TVP23A: variants seen among roughly 807,000 people sequenced by gnomAD.
The protein encoded by TVP23A is trans-golgi network vesicle protein 23 homolog A.
In TVP23A, 21 loss-of-function variants were observed where a neutral mutation model predicts 31.7. The ratio of observed to expected loss-of-function variants is 0.66; its 90% CI spans 0.47 to 0.95. The LOEUF is 0.95. Among genes scored for constraint, TVP23A ranks in the 40% least tolerant of loss-of-function variants. The pLI, the probability that TVP23A is intolerant of heterozygous loss-of-function variation, is 0.00. For missense variants in TVP23A, 279 were observed against 255.6 expected, an observed-to-expected ratio of 1.09 and a Z score of -0.62; for synonymous variants, 104 against 96.0, an observed-to-expected ratio of 1.08 and a Z score of -0.49.
intron 2 of TVP23A, among the ~76,000 whole-genome samples, chr16:10,783,044 A>G (rs1335427755): frequency 6.6e-6 from 1 of 152,168 alleles, no homozygotes; most frequent in African/African-American, 2.4e-5. Context: ...TGACTGGCAC[A>G]ATCCCAAGGG....
chr16:10,782,551 G>A (rs2032489613), intron 2 of TVP23A, among the ~76,000 whole-genome samples: 1 of 152,132 alleles, frequency 6.6e-6, no homozygotes, highest in East Asian at 1.9e-4. Context: ...CTCCCAGGCT[G>A]GAGTGCAGTG....
chr16:10,774,929 G>A (rs1346060571), intron 3 of TVP23A, 23 bp downstream of exon 3: 1 of 1,604,744 alleles, frequency 6.2e-7, no homozygotes, highest in Admixed American at 1.7e-5. Flanking sequence ...CGGAAGTGAT[G>A]ACATCACACG....
intron 2 of TVP23A, among the ~76,000 whole-genome samples, chr16:10,792,987 C>A (rs1431930640): frequency 6.6e-6 from 1 of 152,134 alleles, no homozygotes; most frequent in Non-Finnish European, 1.5e-5. Context: ...TTCTTTATTT[C>A]TTTTTAAAGA....
chr16:10,779,658 AG>A lies in TVP23A; in HGVS notation c.90-4563del, dbSNP rs1448208740. Among the ~76,000 whole-genome samples the A allele has an allele frequency of 6.6e-5, 10 of 152,248 alleles. No individual in the cohort carries two copies. Among genetic ancestry groups the A allele is most frequent in the African/African-American group, 2.4e-4 (10 of 41,470 alleles). On this transcript the variant is annotated intron_variant, in intron 2 of 7. Coordinates refer to ENST00000299866, the MANE Select transcript of TVP23A (RefSeq NM_001079512.4). The surrounding 1 kb of genome is among the most constrained non-coding windows in gnomAD (Gnocchi z 4.9). ...AAACGAGATGCAGATGAACTGGGAGAGGAAGTTTTTATTTCTGTAGCCAGTT... is the reference window on the plus strand; with the variant it reads ...AAACGAGATGCAGATGAACTGGGAGAGAAGTTTTTATTTCTGTAGCCAGTT...
At chr16:10,806,455 T>A (rs1388404910) in intron 2 of TVP23A, among the ~76,000 whole-genome samples, 1 of 152,214 alleles carries the variant, frequency 6.6e-6, no homozygotes, top group Non-Finnish European at 1.5e-5. Context: ...CCTTCCCAGA[T>A]TATGTGGGTC....
rs771116449 is a variant in TVP23A, at chr16:10,768,055, A to C, written c.*1047T>G. 1 of 1,607,310 alleles carries C rather than the reference A, an allele frequency of 6.2e-7. No homozygotes were observed. The highest frequency in any genetic ancestry group is 1.3e-5 in the African/African-American group (1 of 74,794). Reference sequence around the variant, plus strand: ...AGAGTAAGTATTTCCATGAGTACTAAATGCAGATGCCTGTGGGGCAGGAAG... The same window carrying C: ...AGAGTAAGTATTTCCATGAGTACTACATGCAGATGCCTGTGGGGCAGGAAG... On this transcript the variant is annotated 3_prime_UTR_variant, in exon 8 of 8. Coordinates refer to ENST00000299866, the MANE Select transcript of TVP23A (RefSeq NM_001079512.4). This position sits in a 1 kb window ranked among gnomAD's most constrained non-coding sequence, Gnocchi z 4.3.
chr16:10,787,735 T>C lies in TVP23A; in HGVS notation c.90-12639A>G, dbSNP rs530156788. Among the ~76,000 whole-genome samples the C allele has an allele frequency of 2.2e-3, 334 of 152,118 alleles. 2 individuals are homozygous for C. Among genetic ancestry groups the C allele is most frequent in the African/African-American group, 7.5e-3 (313 of 41,474 alleles). On this transcript the variant is annotated intron_variant, in intron 2 of 7. Coordinates refer to ENST00000299866, the MANE Select transcript of TVP23A (RefSeq NM_001079512.4). ...CAGGAGAGAGAGCTGTTCTCCTCTCTCTTTCTTTTGCCTATTAAACCTCCC... is the reference window on the plus strand; with the variant it reads ...CAGGAGAGAGAGCTGTTCTCCTCTCCCTTTCTTTTGCCTATTAAACCTCCC...
intron 2 of TVP23A, among the ~76,000 whole-genome samples, chr16:10,790,940 C>T (rs916193354): frequency 1.7e-4 from 26 of 152,012 alleles, no homozygotes; most frequent in African/African-American, 5.1e-4. Flanking sequence ...GAGGGTAGAA[C>T]GAGGCATGTC....
downstream of TVP23A, among the ~76,000 whole-genome samples, chr16:10,758,640 C>A (rs1900734992): frequency 6.6e-6 from 1 of 152,166 alleles, no homozygotes; most frequent in Non-Finnish European, 1.5e-5. Flanking sequence ...AGTTATAATT[C>A]ATACTGTGCT....
At chr16:10,784,122 C>T (rs1472078540) in intron 2 of TVP23A, among the ~76,000 whole-genome samples, 1 of 151,894 alleles carries the variant, frequency 6.6e-6, no homozygotes, top group African/African-American at 2.4e-5. Context: ...TAGCTTGAGC[C>T]CAGGAGTTCA....
downstream of TVP23A, among the ~76,000 whole-genome samples, chr16:10,760,565 C>T (rs1279045524): frequency 6.6e-6 from 1 of 152,118 alleles, no homozygotes; most frequent in African/African-American, 2.4e-5. Context: ...GGGCAACAAC[C>T]ATCTCTATAA....
intron 5 of TVP23A, among the ~76,000 whole-genome samples, chr16:10,772,092 A>G (rs538607870): frequency 6.6e-6 from 1 of 152,344 alleles, no homozygotes; most frequent in South Asian, 2.1e-4. Flanking sequence ...TGCACCTCTC[A>G]AGCCACGTAG....
intron 2 of TVP23A, among the ~76,000 whole-genome samples, chr16:10,814,981 A>G (rs904623426): frequency 2.0e-5 from 3 of 152,124 alleles, no homozygotes; most frequent in Non-Finnish European, 4.4e-5. Flanking sequence ...TCCCCATGGT[A>G]TATCTACCCT....
chr16:10,808,402 G>A (rs1265958342), intron 2 of TVP23A: 1 of 389,696 alleles, frequency 2.6e-6, no homozygotes, highest in Non-Finnish European at 5.1e-6. Flanking sequence ...TTTGCCTGAA[G>A]ACCTGAGCCC....
At position 10,770,434 on chromosome 16, in the gene TVP23A, C is replaced by T. The variant is rs190996444; in HGVS notation, c.583-103G>A. On this transcript the variant is annotated intron_variant, in intron 6 of 7. Transcript: ENST00000299866. Reference sequence around the variant, plus strand: ...AAACCCACAAAGTACAGAAAACCTGCGGAATTGGTTGCTTGATGTCTTGGC... The same window carrying T: ...AAACCCACAAAGTACAGAAAACCTGTGGAATTGGTTGCTTGATGTCTTGGC... 9.8e-5 allele frequency: 129 copies of T among 1,311,620 alleles called. No individual in the cohort carries two copies. In the East Asian group the frequency reaches 1.2e-3, roughly 12 times the overall value. 81.2% of individuals were successfully genotyped at this position (1,311,620 alleles called of 1,614,324 possible).
Position 10,790,011 on chromosome 16 carries a change from T to C in TVP23A, c.90-14915A>G, listed in dbSNP as rs2033008894. 3.3e-5 allele frequency among the ~76,000 whole-genome samples: 5 copies of C among 152,098 alleles called. No homozygotes were observed. In the South Asian group the frequency reaches 1.0e-3, roughly 32 times the overall value. On this transcript the variant is annotated intron_variant, in intron 2 of 7. Coordinates refer to ENST00000299866, the MANE Select transcript of TVP23A (RefSeq NM_001079512.4). ...ACCTGGGATCAATAGAAAGGGAATGTTCAGGTGAAGATAAAAGATTGTGGA... is the reference window on the plus strand; with the variant it reads ...ACCTGGGATCAATAGAAAGGGAATGCTCAGGTGAAGATAAAAGATTGTGGA...
intron 2 of TVP23A, among the ~76,000 whole-genome samples, chr16:10,791,820 T>C (rs949291191): frequency 8.5e-5 from 13 of 152,202 alleles, no homozygotes; most frequent in African/African-American, 3.1e-4. Context: ...TTTCACTGTG[T>C]TAGCCAAGAT....
chr16:10,807,240 C>T (rs577481671), intron 2 of TVP23A, among the ~76,000 whole-genome samples: 20 of 152,088 alleles, frequency 1.3e-4, no homozygotes, highest in Non-Finnish European at 2.9e-4. Flanking sequence ...CATGTCTGTG[C>T]GTGGGTACCA....
chr16:10,764,986 A>C (rs1380237541), downstream of TVP23A: 1 of 165,330 alleles, frequency 6.0e-6, no homozygotes, highest in African/African-American at 2.4e-5. Flanking sequence ...TCCTGAGCCC[A>C]CTTACCCATC....
Sources: allele counts gnomAD v4.1 joint callset (sites outside exome capture counted in the v4.1 genomes callset), GRCh38; gene constraint gnomAD v4.1.1; non-coding constraint Gnocchi (gnomAD v3.1); transcripts MANE v1.5; gene names NCBI Gene and HGNC (gene_info 2026-07-23, HGNC 2026-07-21).